The following KIF6 variants were observed in gnomAD, a reference collection of about 807,000 sequenced individuals.
KIF6 encodes the protein kinesin-like protein KIF6.
Under a neutral mutation model 112.7 loss-of-function variants are expected in KIF6, and 106 were observed. That is an observed-to-expected ratio of 0.94 (90% CI 0.80 to 1.11). KIF6 has a LOEUF of 1.11. Among genes scored for constraint, KIF6 ranks in the 50% least tolerant of loss-of-function variants. The pLI is 0.00. For synonymous variants in KIF6, 339 were observed against 339.9 expected, an observed-to-expected ratio of 1.00 and a Z score of 0.03; for missense variants, 929 against 964.0, an observed-to-expected ratio of 0.96 and a Z score of 0.48.
At chr6:39,654,928 C>G (rs926341387) in intron 3 of KIF6, among the ~76,000 whole-genome samples, 8 of 152,114 alleles carry the variant, frequency 5.3e-5, no homozygotes, top group Non-Finnish European at 1.0e-4. Flanking sequence ...ACAACTGGAT[C>G]CTTTCCAATT....
intron 13 of KIF6, among the ~76,000 whole-genome samples, chr6:39,515,916 T>C (rs1011807341): frequency 1.3e-5 from 2 of 152,174 alleles, no homozygotes; most frequent in African/African-American, 2.4e-5. Flanking sequence ...CCAAGACATA[T>C]TGAGTGTAGG....
At chr6:39,550,279 T>A (rs1779295492) in intron 10 of KIF6, among the ~76,000 whole-genome samples, 1 of 152,122 alleles carries the variant, frequency 6.6e-6, no homozygotes, top group South Asian at 2.1e-4. Flanking sequence ...TGGCACTGGC[T>A]GTGGGAAAGT....
At chr6:39,526,281 C>CAA (rs1471174842) in intron 13 of KIF6, among the ~76,000 whole-genome samples, 1 of 152,220 alleles carries the variant, frequency 6.6e-6, no homozygotes, top group East Asian at 1.9e-4. Context: ...GAATCCTCTA[C>CAA]AAACTTAGAA....
chr6:39,532,896 G>T (rs1218577091), intron 13 of KIF6, among the ~76,000 whole-genome samples: 1 of 152,198 alleles, frequency 6.6e-6, no homozygotes, highest in Non-Finnish European at 1.5e-5. Context: ...TAAGGGAAAG[G>T]CATCAGTCAC....
intron 3 of KIF6, among the ~76,000 whole-genome samples, chr6:39,704,966 T>C (rs1789110970): frequency 6.6e-6 from 1 of 152,256 alleles, no homozygotes; most frequent in South Asian, 2.1e-4. Flanking sequence ...AAGCCGGTTC[T>C]GGCTTTAGGA....
In KIF6 at chr6:39,425,867, C is replaced by T. The variant is rs1259867570; in HGVS notation, c.1754+5186G>A. On this transcript the variant is annotated intron_variant, in intron 14 of 22. Coordinates refer to ENST00000287152, the MANE Select transcript of KIF6 (RefSeq NM_145027.6). ...ATGGGAGCCAGGAAACTCCTCCTCA[C>T]CATGGGAGTTACCTCCTGATGGTGC... Among the ~76,000 whole-genome samples the T allele has an allele frequency of 2.0e-5, 3 of 151,896 alleles. No homozygotes were observed. The East Asian group carries it at 5.8e-4, about 29-fold the overall frequency.
chr6:39,632,063 T>C (rs1030852379), intron 5 of KIF6, among the ~76,000 whole-genome samples: 1 of 152,158 alleles, frequency 6.6e-6, no homozygotes, highest in Non-Finnish European at 1.5e-5. Flanking sequence ...ATAGCAACAT[T>C]TGAAAAAAGC....
At chr6:39,666,401 A>G (rs756123345) in intron 3 of KIF6, among the ~76,000 whole-genome samples, 7 of 152,232 alleles carry the variant, frequency 4.6e-5, no homozygotes, top group Non-Finnish European at 8.8e-5. Flanking sequence ...TGAATTGTAT[A>G]TATGAATATA....
Position 39,464,803 on chromosome 6 carries a change from T to C in KIF6, c.1646-33642A>G, listed in dbSNP as rs191433064. Among the ~76,000 whole-genome samples the C allele has an allele frequency of 5.9e-5, 9 of 152,314 alleles. No individual in the cohort carries two copies. In the South Asian group the frequency reaches 1.2e-3, roughly 21 times the overall value. ...AACTTGTTGACTTACTATAGTGATA[T>C]ACCTACAATGGAAAAAAAGCCTTCC... On this transcript the variant is annotated intron_variant, in intron 13 of 22. Coordinates refer to ENST00000287152, the MANE Select transcript of KIF6 (RefSeq NM_145027.6).
chr6:39,644,671 G>A (rs1037272471), intron 3 of KIF6, among the ~76,000 whole-genome samples: 2 of 152,160 alleles, frequency 1.3e-5, no homozygotes, highest in African/African-American at 2.4e-5. Context: ...GGAAAATGGA[G>A]AGTGACTGCT....
intron 10 of KIF6, among the ~76,000 whole-genome samples, chr6:39,573,070 TATCCTTA>T (rs1204727806): frequency 5.3e-5 from 8 of 151,362 alleles, no homozygotes; most frequent in African/African-American, 1.9e-4. Context: ...CTGATGGTAA[TATCCTTA>T]TGCCATGCCA....
At chr6:39,366,706 C>T (rs1765579411) in intron 16 of KIF6, among the ~76,000 whole-genome samples, 1 of 152,096 alleles carries the variant, frequency 6.6e-6, no homozygotes, top group Non-Finnish European at 1.5e-5. Flanking sequence ...CTGCATCTAA[C>T]AACAATGAGA....
intron 3 of KIF6, among the ~76,000 whole-genome samples, chr6:39,706,479 T>C (rs1482990246): frequency 2.6e-5 from 4 of 152,216 alleles, no homozygotes; most frequent in Non-Finnish European, 5.9e-5. Flanking sequence ...TATAATTACA[T>C]GGCTTTAAGC....
rs1457120330 is a variant in KIF6 at position 39,343,439 on chromosome 6, G to A, written c.2428+270C>T. On this transcript the variant is annotated intron_variant, in intron 22 of 22. Coordinates refer to ENST00000287152, the MANE Select transcript of KIF6 (RefSeq NM_145027.6). The surrounding 1 kb of genome is among the most constrained non-coding windows in gnomAD (Gnocchi z 4.1). ...CAGAGAACAAAGGAGCTGAAGATCT[G>A]GAAGAGACAGAGAGCAAGCTCTGCC... is the stretch of plus-strand genomic sequence containing the variant. The A allele has an allele frequency of 7.0e-6, 10 of 1,421,360 alleles. No individual in the cohort carries two copies. The highest frequency in any genetic ancestry group is 8.4e-6 in the Non-Finnish European group (9 of 1,074,132). The allele number at this position is 1,421,360 out of a possible 1,614,324, so 88.0% of individuals were successfully genotyped here.
At chr6:39,639,555 T>G in intron 4 of KIF6, 55 bp downstream of exon 4, 1 of 1,353,318 alleles carries the variant, frequency 7.4e-7, no homozygotes, top group Non-Finnish European at 1.0e-6. Flanking sequence ...CTGCTTTCAG[T>G]ATATTTTTGC....
Position 39,378,231 on chromosome 6 carries a change from C to T in KIF6, c.1861+7391G>A, listed in dbSNP as rs1379010831. 1.3e-5 allele frequency among the ~76,000 whole-genome samples: 2 copies of T among 151,476 alleles called. No individual in the cohort carries two copies. Among genetic ancestry groups the T allele is most frequent in the Non-Finnish European group, 2.9e-5 (2 of 67,798 alleles). ...CACACATATAACATGTACAACATAT[C>T]CATACCACCAACACACCACACACAC... On this transcript the variant is annotated intron_variant, in intron 16 of 22. Transcript: ENST00000287152. The surrounding 1 kb of genome is among the most constrained non-coding windows in gnomAD (Gnocchi z 5.0).
intron 13 of KIF6, among the ~76,000 whole-genome samples, chr6:39,506,141 G>A (rs1776414376): frequency 6.6e-6 from 1 of 152,114 alleles, no homozygotes; most frequent in African/African-American, 2.4e-5. Flanking sequence ...AGAAAATATG[G>A]CACATATACA....
At chr6:39,398,622 A>T (rs1768450467) in intron 15 of KIF6, among the ~76,000 whole-genome samples, 1 of 152,226 alleles carries the variant, frequency 6.6e-6, no homozygotes, top group Admixed American at 6.5e-5. Flanking sequence ...GGGAAGCTCT[A>T]AAAATGAAAT....
At chr6:39,540,341 G>C in intron 12 of KIF6, 120 bp from the exon 13 acceptor site, 1 of 686,186 alleles carries the variant, frequency 1.5e-6, no homozygotes, top group Non-Finnish European at 2.4e-6. Flanking sequence ...AAGACTGAAG[G>C]AAGGCTTCAA....
Sources: allele counts gnomAD v4.1 joint callset (sites outside exome capture counted in the v4.1 genomes callset), GRCh38; gene constraint gnomAD v4.1.1; non-coding constraint Gnocchi (gnomAD v3.1); transcripts MANE v1.5; gene names NCBI Gene and HGNC (gene_info 2026-07-23, HGNC 2026-07-21).